The following IFI44L variants were observed in gnomAD, a reference collection of about 807,000 sequenced individuals.
IFI44L encodes the protein interferon induced protein 44 like.
IFI44L carries 40 observed loss-of-function variants against 39.3 expected under a neutral mutation model. The observed-to-expected ratio is 1.02, with a 90% confidence interval of 0.79 to 1.33. IFI44L has a LOEUF of 1.33. Among genes scored for constraint, IFI44L ranks in the 40% most tolerant of loss-of-function variants. The pLI is 0.00. For synonymous variants in IFI44L, 198 were observed against 182.3 expected (o/e 1.09, Z -0.69); for missense variants, 623 against 549.0 (o/e 1.13, Z -1.35).
chr1:78,635,757 C>A, intron 5 of IFI44L: 1 of 435,898 alleles, frequency 2.3e-6, no homozygotes, highest in Non-Finnish European at 4.1e-6. Context: ...TTTTATCACT[C>A]TTTACAATAA....
intron 4 of IFI44L, among the ~76,000 whole-genome samples, chr1:78,630,693 A>G (rs1464811844): frequency 1.3e-5 from 2 of 152,204 alleles, no homozygotes; most frequent in East Asian, 1.9e-4. Flanking sequence ...AAGACAGCAT[A>G]ATAAGACAGT....
At position 78,624,151 on chromosome 1, in the gene IFI44L, C is replaced by T. The variant is rs190826945; in HGVS notation, c.-11+3580C>T. ...GGACTACAGGTGCACACCACCACAC[C>T]CAATTTTTGTATTTTTGTATTTTTG... On this transcript the variant is annotated intron_variant, in intron 1 of 8. Transcript: ENST00000370751. Among the ~76,000 whole-genome samples, 451 of 152,098 alleles carry T rather than the reference C, an allele frequency of 3.0e-3. 5 individuals carry two copies. The highest frequency in any genetic ancestry group is 0.01 in the African/African-American group (434 of 41,450).
chr1:78,623,315 A>G (rs1020510033), intron 1 of IFI44L, among the ~76,000 whole-genome samples: 4 of 150,820 alleles, frequency 2.7e-5, no homozygotes, highest in Non-Finnish European at 4.4e-5. Flanking sequence ...ACTGCTGAAT[A>G]TGATGTTAAC....
At chr1:78,637,302 T>C in intron 6 of IFI44L, 99 bp downstream of exon 6, 2 of 887,536 alleles carry the variant, frequency 2.3e-6, no homozygotes, top group Non-Finnish European at 3.3e-6. Flanking sequence ...GTACCTTTCA[T>C]CCTATTTCCC....
At chr1:78,638,610 T>C (rs1653038525) in intron 6 of IFI44L, among the ~76,000 whole-genome samples, 1 of 152,176 alleles carries the variant, frequency 6.6e-6, no homozygotes, top group Non-Finnish European at 1.5e-5. Flanking sequence ...AGCATAGCTA[T>C]TGTTTTTCCT....
At chr1:78,639,836 T>A (rs914954990) in intron 6 of IFI44L, among the ~76,000 whole-genome samples, 1 of 152,126 alleles carries the variant, frequency 6.6e-6, no homozygotes, top group Admixed American at 6.6e-5. Flanking sequence ...AGATCACATA[T>A]TTAGGTTCCG....
chr1:78,641,496 A>G lies in IFI44L; in HGVS notation c.1211A>G (p.Tyr404Cys). 6.2e-7 allele frequency: 1 copy of G among 1,613,664 alleles called. No homozygotes were observed. The highest frequency in any genetic ancestry group is 8.5e-7 in the Non-Finnish European group (1 of 1,179,688). ...PISNILMVGN[Y>C]ASDLELDPMK... ...TCCAATATTTTGATGGTTGGAAATT[A>G]TGCTTCAGATTTGGAACTGGACCCC... is the stretch of plus-strand genomic sequence containing the variant. Residue 404 changes from tyrosine to cysteine, a missense_variant, in exon 8 of 9, where the codon TAT becomes TGT. Physicochemically the swap from Tyr to Cys is radical, Grantham distance 194. Transcript: ENST00000370751.
intron 6 of IFI44L, among the ~76,000 whole-genome samples, chr1:78,639,385 T>C (rs1441483444): frequency 1.3e-5 from 2 of 152,230 alleles, no homozygotes; most frequent in South Asian, 4.1e-4. Context: ...ACTGGGGTAG[T>C]GTGGCTATTT....
In IFI44L at chr1:78,642,001, C is replaced by G; in HGVS notation, c.*192C>G. 1.6e-6 allele frequency: 1 copy of G among 642,314 alleles called. No homozygotes were observed. The highest frequency in any genetic ancestry group is 2.6e-5 in the East Asian group (1 of 37,914). The allele number at this position is 642,314 out of a possible 1,614,324, so 39.8% of individuals were successfully genotyped here. ...GGCTAAGATAGGTCCTACTGCAAAC[C>G]ACCCCTCCATATTTCCGTACCATTT... On this transcript the variant is annotated 3_prime_UTR_variant, in exon 9 of 9. Transcript: ENST00000370751.
At chr1:78,627,237 C>T (rs1652525538) in intron 1 of IFI44L, 1 of 151,956 alleles carries the variant, frequency 6.6e-6, no homozygotes. Context: ...GTAACACATG[C>T]ATTTTTATAG....
chr1:78,645,349 T>G lies in IFI44L; in HGVS notation c.*3540T>G, dbSNP rs1647035168. On this transcript the variant is annotated 3_prime_UTR_variant, in exon 9 of 9. Coordinates refer to ENST00000370751, the MANE Select transcript of IFI44L (RefSeq NM_006820.4). The stretch of plus-strand genomic sequence containing the variant: ...GGCCCAAATAAACTCTCTACTTATA[T>G]CAGTTTTTCCTACACTTCTTCCTTT... 1 of 152,216 alleles carries G rather than the reference T, an allele frequency of 6.6e-6. No homozygotes were observed. The highest frequency in any genetic ancestry group is 2.4e-5 in the African/African-American group (1 of 41,452). 9.4% of individuals were successfully genotyped at this position (152,216 alleles called of 1,614,324 possible). A position where few individuals can be genotyped will look rare whatever the true frequency, so the allele number is the denominator to read the frequency against.
chr1:78,628,810 T>C lies in IFI44L; in HGVS notation c.479-141T>C. ...ATAATTTTTCCTCCTCTTCCTCTCA[T>C]GTTGCCAACTCTGACTCCTAACTGA... On this transcript the variant is annotated intron_variant, in intron 2 of 8. Transcript: ENST00000370751. The C allele has an allele frequency of 4.9e-6, 3 of 615,002 alleles. No homozygotes were observed. In the South Asian group the frequency reaches 6.3e-5, roughly 13 times the overall value. 38.1% of individuals were successfully genotyped at this position (615,002 alleles called of 1,614,324 possible).
intron 3 of IFI44L, 53 bp from the exon 4 acceptor site, chr1:78,629,667 G>T: frequency 7.5e-7 from 1 of 1,342,180 alleles, no homozygotes; most frequent in Non-Finnish European, 1.0e-6. Flanking sequence ...TGTTCTTTAT[G>T]GTATTCTTTA....
rs1652668012 is a variant in IFI44L, at chr1:78,629,708, A to G, written c.528-12A>G. 5.0e-6 allele frequency: 8 copies of G among 1,599,390 alleles called. No homozygotes were observed. The highest frequency in any genetic ancestry group is 1.7e-5 in the Admixed American group (1 of 58,352). On this transcript the variant is annotated splice_polypyrimidine_tract_variant and intron_variant, in intron 3 of 8. Coordinates refer to ENST00000370751, the MANE Select transcript of IFI44L (RefSeq NM_006820.4). ...TGTTCTGATGCTGTATTTAACCACT[A>G]TATTTTAACAGGCACAGAAATAGGC...
At chr1:78,631,741 C>T (rs868779568) in intron 4 of IFI44L, 21 of 152,100 alleles carry the variant, frequency 1.4e-4, no homozygotes, top group African/African-American at 4.8e-4. Flanking sequence ...TTCCCGGAGA[C>T]ATTTTAAGGG....
intron 4 of IFI44L, chr1:78,630,246 A>G: frequency 5.4e-6 from 1 of 183,872 alleles, no homozygotes; most frequent in Middle Eastern, 2.4e-3. Flanking sequence ...CCTGGTTTAA[A>G]ATGTTTTTCT....
intron 4 of IFI44L, among the ~76,000 whole-genome samples, chr1:78,632,879 G>A (rs1288014888): frequency 6.6e-6 from 1 of 152,090 alleles, no homozygotes; most frequent in Non-Finnish European, 1.5e-5. Context: ...TGCTTTTTAA[G>A]TAAAAAATGT....
intron 4 of IFI44L, among the ~76,000 whole-genome samples, chr1:78,633,575 G>A: frequency 6.6e-6 from 1 of 152,186 alleles, no homozygotes; most frequent in Non-Finnish European, 1.5e-5. Flanking sequence ...TAGGCTGATT[G>A]TTGAAGGACT....
At chr1:78,630,417 A>T (rs1652706918) in intron 4 of IFI44L, among the ~76,000 whole-genome samples, 1 of 152,178 alleles carries the variant, frequency 6.6e-6, no homozygotes, top group Non-Finnish European at 1.5e-5. Flanking sequence ...TATCTTATTT[A>T]CAAAAAGATA....
Sources: allele counts gnomAD v4.1 joint callset (sites outside exome capture counted in the v4.1 genomes callset), GRCh38; gene constraint gnomAD v4.1.1; transcripts MANE v1.5; gene names NCBI Gene and HGNC (gene_info 2026-07-23, HGNC 2026-07-21).